DCAF6: variants seen among roughly 807,000 people sequenced by gnomAD.
DCAF6 encodes DDB1 and CUL4 associated factor 6.
DCAF6 carries 54 observed loss-of-function variants against 125.1 expected under a neutral mutation model. That is an observed-to-expected ratio of 0.43 (90% CI 0.35 to 0.54). The LOEUF (loss-of-function observed/expected upper bound fraction) is 0.54, where lower values mean the gene tolerates loss of function less well. DCAF6 is among the 20% of genes least tolerant of loss of function. The probability of loss-of-function intolerance (pLI) is 0.01; values close to 1 mark genes in which losing one functional copy is unlikely to be tolerated. For synonymous variants in DCAF6, 371 were observed against 390.4 expected (o/e 0.95, Z 0.58); for missense variants, 934 against 1,161.7 (o/e 0.80, Z 2.85).
chr1:167,930,165 T>C, the DCAF6 span, among the ~76,000 whole-genome samples: 2 of 152,206 alleles, frequency 1.3e-5, no homozygotes, highest in South Asian at 2.1e-4. Flanking sequence ...TGGAAATAGC[T>C]ATCACTAAAA....
the DCAF6 span, chr1:167,896,550 G>C: frequency 6.9e-7 from 1 of 1,457,680 alleles, no homozygotes. Context: ...AGACCCTACT[G>C]ACCACTGGTA....
intron 2 of DCAF6, among the ~76,000 whole-genome samples, chr1:167,958,577 G>A (rs1675117727): frequency 6.6e-6 from 1 of 151,952 alleles, no homozygotes; most frequent in Non-Finnish European, 1.5e-5. Context: ...TTTATTTTAG[G>A]TGACTTGGTT....
In DCAF6 at chr1:168,050,933, G is replaced by T; in HGVS notation, c.2300G>T (p.Arg767Ile). Residue 767 changes from arginine (R) to isoleucine (I), a missense_variant and splice_region_variant, in exon 17 of 22, where the codon AGA becomes ATA. Physicochemically the swap from Arg to Ile is moderately conservative, Grantham distance 97. Coordinates refer to ENST00000367840, the MANE Select transcript of DCAF6 (RefSeq NM_001198956.2). ...ACAACAATAGGTGATAGAATAATGAGGTAATTCAGTATGTTCCTTCATAAT... is the reference window on the plus strand; with the variant it reads ...ACAACAATAGGTGATAGAATAATGATGTAATTCAGTATGTTCCTTCATAAT... Reference protein sequence around the residue: ...RGTTIGDRIMRRSAVARIQEF... With the variant: ...RGTTIGDRIMIRSAVARIQEF... 1 of 1,381,360 alleles carries T rather than the reference G, an allele frequency of 7.2e-7. No homozygotes were observed. Among genetic ancestry groups the T allele is most frequent in the Non-Finnish European group, 9.6e-7 (1 of 1,042,436 alleles). The allele number at this position is 1,381,360 out of a possible 1,614,324, so 85.6% of individuals were successfully genotyped here.
chr1:167,988,653 C>G (rs1338566906), intron 5 of DCAF6, among the ~76,000 whole-genome samples: 2 of 143,304 alleles, frequency 1.4e-5, no homozygotes, highest in African/African-American at 2.6e-5. Context: ...CTGAAAGTTA[C>G]AAAAAAAAAA....
the DCAF6 span, chr1:167,896,803 C>T: frequency 6.2e-5 from 46 of 737,246 alleles, 1 homozygote; most frequent in South Asian, 2.1e-4. Flanking sequence ...GTGATTGGCA[C>T]ACTTAAACAC....
At chr1:167,893,770 G>T in the DCAF6 span, 15 of 741,754 alleles carry the variant, frequency 2.0e-5, no homozygotes, top group East Asian at 6.4e-5. Context: ...AGTAGCTGCT[G>T]TTTTTTTTTT....
the DCAF6 span, chr1:167,875,304 C>A: frequency 9.6e-7 from 1 of 1,045,954 alleles, no homozygotes; most frequent in Non-Finnish European, 1.5e-6. Flanking sequence ...AAGAGTCTAT[C>A]CCCTGACTCA....
intron 11 of DCAF6, among the ~76,000 whole-genome samples, chr1:168,017,737 CTTT>C (rs940873562): frequency 6.6e-6 from 1 of 152,008 alleles, no homozygotes; most frequent in African/African-American, 2.4e-5. Flanking sequence ...TTGATTCATT[CTTT>C]TATGATAGAT....
At chr1:167,865,458 T>C in the DCAF6 span, among the ~76,000 whole-genome samples, 1 of 152,236 alleles carries the variant, frequency 6.6e-6, no homozygotes, top group Non-Finnish European at 1.5e-5. Context: ...AAACTTACCT[T>C]ATGGTCAAAC....
intron 2 of DCAF6, among the ~76,000 whole-genome samples, chr1:167,955,862 G>C (rs2102747813): frequency 6.6e-6 from 1 of 152,258 alleles, no homozygotes; most frequent in South Asian, 2.1e-4. Flanking sequence ...CTGGGCTCAA[G>C]CTATCTTCCC....
At chr1:168,052,479 T>C (rs1181507003) in intron 17 of DCAF6, among the ~76,000 whole-genome samples, 1 of 152,218 alleles carries the variant, frequency 6.6e-6, no homozygotes, top group Non-Finnish European at 1.5e-5. Context: ...TTATTTCTTA[T>C]GTAGAGATTA....
rs748742223 is a variant in DCAF6 at position 168,044,918 on chromosome 1, C to T, written c.1949C>T (p.Thr650Ile). Residue 650 changes from threonine to isoleucine, a missense_variant, in exon 16 of 22, where the codon ACA becomes ATA. Thr to Ile is a moderately conservative substitution (Grantham distance 89). Transcript: ENST00000367840. ...CTGACAGCACAATCAGATAAGTTCA[C>T]AGCCAAGCCATTGGATTCCAACTCA... is the stretch of plus-strand genomic sequence containing the variant. ...HINITQSDKF[T>I]AKPLDSNSGE... 6.2e-7 allele frequency: 1 copy of T among 1,613,886 alleles called. No homozygotes were observed. The highest frequency in any genetic ancestry group is 8.5e-7 in the Non-Finnish European group (1 of 1,179,896).
At chr1:167,946,966 C>T (rs1673177825) in intron 1 of DCAF6, among the ~76,000 whole-genome samples, 3 of 152,138 alleles carry the variant, frequency 2.0e-5, no homozygotes, top group African/African-American at 7.2e-5. Flanking sequence ...CTTCTTTGTA[C>T]ATTTGGTAGA....
At chr1:167,878,543 G>T in the DCAF6 span, 1 of 1,614,168 alleles carries the variant, frequency 6.2e-7, no homozygotes, top group South Asian at 1.1e-5. Flanking sequence ...TACGCTGGTA[G>T]GTTGCTCCCA....
rs548542436 is a variant in DCAF6 at position 167,936,801 on chromosome 1, C to T, written c.-111C>T. 3.6e-4 allele frequency: 351 copies of T among 981,102 alleles called. No homozygotes were observed. The African/African-American group carries it at 5.1e-3, about 14-fold the overall frequency. 60.8% of individuals were successfully genotyped at this position (981,102 alleles called of 1,614,324 possible). On this transcript the variant is annotated 5_prime_UTR_variant, in exon 1 of 22. Coordinates refer to ENST00000367840, the MANE Select transcript of DCAF6 (RefSeq NM_001198956.2). ...GCCATCTAACGCTGCGCCCTGGAGG[C>T]CCGGCGCGCGGATGGTGCCGGTGCG...
upstream of DCAF6, chr1:167,935,711 G>C (rs12744853): frequency 1.3e-6 from 2 of 1,539,830 alleles, no homozygotes; most frequent in Non-Finnish European, 1.8e-6. Context: ...GTCTCGATAA[G>C]GAGCCATTCA....
chr1:167,942,929 CAG>C (rs1571578854), intron 1 of DCAF6, among the ~76,000 whole-genome samples: 1 of 152,082 alleles, frequency 6.6e-6, no homozygotes, highest in East Asian at 1.9e-4. Context: ...TTTTTTGAGA[CAG>C]AGTCTTGCTC....
chr1:167,990,401 A>G (rs1190050567), intron 5 of DCAF6, among the ~76,000 whole-genome samples: 1 of 152,192 alleles, frequency 6.6e-6, no homozygotes, highest in Non-Finnish European at 1.5e-5. Context: ...TAAATAATCA[A>G]TAGTTATAGA....
At chr1:167,886,061 T>C in the DCAF6 span, among the ~76,000 whole-genome samples, 1 of 152,148 alleles carries the variant, frequency 6.6e-6, no homozygotes, top group South Asian at 2.1e-4. Flanking sequence ...CACAAACAAA[T>C]GGAAGAACAT....
Sources: allele counts gnomAD v4.1 joint callset (sites outside exome capture counted in the v4.1 genomes callset), GRCh38; gene constraint gnomAD v4.1.1; transcripts MANE v1.5; gene names NCBI Gene and HGNC (gene_info 2026-07-23, HGNC 2026-07-21).